CDH23: variants seen among roughly 807,000 people sequenced by gnomAD.
CDH23 encodes the protein cadherin-23.
In CDH23, 189 loss-of-function variants were observed where a neutral mutation model predicts 317.1. That is an observed-to-expected ratio of 0.60 (90% confidence interval 0.53 to 0.67). CDH23 has a LOEUF of 0.67. Among genes scored for constraint, CDH23 ranks in the 30% least tolerant of loss-of-function variants. The pLI is 0.00. For missense variants in CDH23, 4,401 were observed against 4,592.4 expected (o/e 0.96, Z 1.20); for synonymous variants, 1,839 against 1,876.8 (o/e 0.98, Z 0.52).
At chr10:71,491,989 A>T (rs1052225223) in intron 3 of CDH23, among the ~76,000 whole-genome samples, 4 of 152,206 alleles carry the variant, frequency 2.6e-5, no homozygotes, top group Non-Finnish European at 5.9e-5. Flanking sequence ...GCTGCCCAGC[A>T]CAGCTTCACA....
chr10:71,726,516 G>A (rs1414667705), intron 30 of CDH23, among the ~76,000 whole-genome samples: 1 of 152,184 alleles, frequency 6.6e-6, no homozygotes, highest in East Asian at 1.9e-4. Context: ...AGAAGAGCTG[G>A]GAAGACACCT....
At chr10:71,781,900 C>T (rs965353627) in intron 41 of CDH23, among the ~76,000 whole-genome samples, 1 of 152,176 alleles carries the variant, frequency 6.6e-6, no homozygotes, top group Non-Finnish European at 1.5e-5. Context: ...ACATGGGTCA[C>T]GACATCCATT....
chr10:71,737,773 G>C (rs1839608550), intron 34 of CDH23: 1 of 469,606 alleles, frequency 2.1e-6, no homozygotes, highest in South Asian at 1.5e-5. Context: ...TGGACTGGAG[G>C]CCTCACCCGC....
At chr10:71,417,066 T>G (rs2131937270) in intron 1 of CDH23, among the ~76,000 whole-genome samples, 1 of 151,594 alleles carries the variant, frequency 6.6e-6, no homozygotes, top group East Asian at 1.9e-4. Context: ...TTTCCTTTCT[T>G]CTTTTCTTTT....
intron 3 of CDH23, among the ~76,000 whole-genome samples, chr10:71,465,451 G>T (rs148663405): frequency 7.9e-4 from 120 of 152,370 alleles, no homozygotes; most frequent in African/African-American, 2.6e-3. Flanking sequence ...GAGGCAGTGT[G>T]ACCTCCCCAG....
rs1554876347 is a variant in CDH23 at position 71,803,312 on chromosome 10, G to T, written c.7764G>T (p.Glu2588Asp). 3 of 1,591,766 alleles carry T rather than the reference G, an allele frequency of 1.9e-6. No homozygotes were observed. Among genetic ancestry groups the T allele is most frequent in the Non-Finnish European group, 8.6e-7 (1 of 1,169,072 alleles). ...CCGTGGTGGCCACAGATGGTGGAGA[G>T]CCCCCACTCTGGGGCACCACCATGC... ...SLTVVATDGG[E>D]PPLWGTTMLL... Residue 2588 changes from glutamate (E) to aspartate (D), a missense_variant, in exon 55 of 70, where the codon GAG becomes GAT. Physicochemically the swap from Glu to Asp is conservative, Grantham distance 45. Coordinates refer to ENST00000224721, the MANE Select transcript of CDH23 (RefSeq NM_022124.6).
intron 9 of CDH23, among the ~76,000 whole-genome samples, chr10:71,581,971 A>G (rs1330154468): frequency 6.6e-6 from 1 of 152,244 alleles, no homozygotes; most frequent in Non-Finnish European, 1.5e-5. Flanking sequence ...CCTGCCAGCA[A>G]TGTATCTGAG....
chr10:71,433,389 A>G (rs1410650843), intron 1 of CDH23, among the ~76,000 whole-genome samples: 1 of 152,180 alleles, frequency 6.6e-6, no homozygotes, highest in Non-Finnish European at 1.5e-5. Flanking sequence ...GCTGGGCCAC[A>G]GGGTATATGC....
intron 8 of CDH23, among the ~76,000 whole-genome samples, chr10:71,572,045 A>G (rs1272404980): frequency 6.6e-6 from 1 of 152,304 alleles, no homozygotes; most frequent in East Asian, 1.9e-4. Context: ...GCATTTGGCC[A>G]CTTCCTTCTT....
intron 11 of CDH23, among the ~76,000 whole-genome samples, chr10:71,626,247 C>T (rs768052822): frequency 1.3e-5 from 2 of 152,164 alleles, no homozygotes; most frequent in Non-Finnish European, 2.9e-5. Flanking sequence ...TCAGAAGGGT[C>T]GTGGCACAAA....
chr10:71,773,605 G>T, intron 38 of CDH23: 3 of 554,286 alleles, frequency 5.4e-6, no homozygotes, highest in Non-Finnish European at 8.7e-6. Flanking sequence ...CCGGGGGGCC[G>T]TGTGGGGGAA....
chr10:71,562,613 C>A lies in CDH23; in HGVS notation c.430-4129C>A, dbSNP rs147248194. ...CTGGGCATGTTCTGGGGGGCAGGAG[C>A]AAGGAGCTGAGACCCATGCAGGCCA... On this transcript the variant is annotated intron_variant, in intron 6 of 69. Coordinates refer to ENST00000224721, the MANE Select transcript of CDH23 (RefSeq NM_022124.6). Among the ~76,000 whole-genome samples the A allele has an allele frequency of 1.3e-4, 20 of 152,314 alleles. No homozygotes were observed. The East Asian group carries it at 3.7e-3, about 28-fold the overall frequency.
chr10:71,555,618 T>C lies in CDH23; in HGVS notation c.430-11124T>C, dbSNP rs1022724304. On this transcript the variant is annotated intron_variant, in intron 6 of 69. Transcript: ENST00000224721. ...CAGGTGCAGGGACGGCCCTGGAATA[T>C]TGTCAGTGATGGCAGGTGGCACTGG... Among the ~76,000 whole-genome samples the C allele has an allele frequency of 7.9e-5, 12 of 152,080 alleles. No homozygotes were observed. The East Asian group carries it at 2.3e-3, about 29-fold the overall frequency.
chr10:71,729,482 C>T (rs537502741), intron 30 of CDH23, among the ~76,000 whole-genome samples: 7 of 152,306 alleles, frequency 4.6e-5, no homozygotes, highest in South Asian at 2.1e-4. Context: ...TTGCTCTCCA[C>T]GCCCATCAAT....
At chr10:71,695,984 A>G (rs1429908639) in intron 22 of CDH23, among the ~76,000 whole-genome samples, 1 of 152,200 alleles carries the variant, frequency 6.6e-6, no homozygotes, top group African/African-American at 2.4e-5. Flanking sequence ...ACGGCTGCCC[A>G]GCAGGGGTTT....
At chr10:71,769,981 G>T (rs1322520972) in intron 38 of CDH23, among the ~76,000 whole-genome samples, 1 of 152,218 alleles carries the variant, frequency 6.6e-6, no homozygotes, top group Non-Finnish European at 1.5e-5. Flanking sequence ...AAGAGAACCT[G>T]TAGGCACCTC....
At chr10:71,445,857 A>AC (rs1241322912) in intron 2 of CDH23, among the ~76,000 whole-genome samples, 10 of 152,016 alleles carry the variant, frequency 6.6e-5, no homozygotes, top group African/African-American at 2.4e-4. Context: ...CAAAAAAAAA[A>AC]AAAAAAAAAA....
intron 17 of CDH23, among the ~76,000 whole-genome samples, chr10:71,680,810 C>CTTTTTTTTTTT (rs562449159): frequency 9.9e-6 from 1 of 100,562 alleles, no homozygotes; most frequent in Non-Finnish European, 1.8e-5. Flanking sequence ...CTCTGTCTTT[C>CTTTTTTTTTTT]TTTTTTTTTT....
At position 71,712,715 on chromosome 10, in the gene CDH23, A is replaced by G. The variant is rs1866026665; in HGVS notation, c.3271A>G (p.Thr1091Ala). The G allele has an allele frequency of 1.9e-6, 3 of 1,613,744 alleles. No homozygotes were observed. The African/African-American group carries it at 4.0e-5, about 21-fold the overall frequency. ...RHTGTATVFV[T>A]VLDVNDNRPI... ...CACGGGCACAGCCACCGTGTTCGTC[A>G]CTGTCCTGGATGTGAATGACAACCG... Residue 1091 changes from threonine (T) to alanine (A), a missense_variant, in exon 28 of 70, where the codon ACT becomes GCT. Coordinates refer to ENST00000224721, the MANE Select transcript of CDH23 (RefSeq NM_022124.6).
Sources: gnomAD v4.1 joint callset for allele counts (sites outside exome capture counted in the v4.1 genomes callset) on GRCh38, gnomAD v4.1.1 for gene constraint, MANE v1.5 for transcripts, NCBI Gene and HGNC (gene_info 2026-07-23, HGNC 2026-07-21) for gene names.